The following SYNPR variants were observed in gnomAD, a reference collection of about 807,000 sequenced individuals.
The protein encoded by SYNPR is synaptoporin.
In SYNPR, 23 loss-of-function variants were observed where a neutral mutation model predicts 32.9. That is an observed-to-expected ratio of 0.70 (90% CI 0.50 to 0.99). The LOEUF (loss-of-function observed/expected upper bound fraction) is 0.99. Among genes scored for constraint, SYNPR ranks in the 50% least tolerant of loss-of-function variants. The pLI, the probability that SYNPR is intolerant of heterozygous loss-of-function variation, is 0.00. For missense variants in SYNPR, 318 were observed against 349.3 expected (o/e 0.91, Z 0.71); for synonymous variants, 146 against 135.9 (o/e 1.07, Z -0.52).
chr3:63,575,041 C>A (rs1001580008), intron 4 of SYNPR, among the ~76,000 whole-genome samples: 2 of 151,890 alleles, frequency 1.3e-5, no homozygotes, highest in Admixed American at 1.3e-4. Flanking sequence ...CACATAAGGG[C>A]ACACACACAG....
intron 4 of SYNPR, among the ~76,000 whole-genome samples, chr3:63,573,352 A>C (rs4635701): frequency 0.26 from 39,032 of 151,996 alleles, 5,350 homozygotes; most frequent in South Asian, 0.44. Context: ...ATGGGAGCCA[A>C]CCTCAGAACA....
At chr3:63,368,932 G>C (rs2087763166) in intron 2 of SYNPR, among the ~76,000 whole-genome samples, 1 of 152,186 alleles carries the variant, frequency 6.6e-6, no homozygotes, top group Non-Finnish European at 1.5e-5. Context: ...TGAAGATGCT[G>C]TTGTTGTCAA....
intron 2 of SYNPR, among the ~76,000 whole-genome samples, chr3:63,456,074 G>C (rs137934144): frequency 6.6e-6 from 1 of 152,000 alleles, no homozygotes; most frequent in Non-Finnish European, 1.5e-5. Flanking sequence ...GAGAGAGCTC[G>C]TGCAGGGGAA....
chr3:63,286,634 C>A (rs1289735778), intron 2 of SYNPR, among the ~76,000 whole-genome samples: 1 of 152,212 alleles, frequency 6.6e-6, no homozygotes, highest in African/African-American at 2.4e-5. Context: ...AGTAGAAAAT[C>A]TCTAAGGAGT....
chr3:63,595,743 A>C lies in SYNPR; in HGVS notation c.409-13382A>C, dbSNP rs1267848601. Among the ~76,000 whole-genome samples the C allele has an allele frequency of 3.0e-4, 14 of 47,184 alleles. 1 individual carries two copies. In the South Asian group the frequency reaches 3.5e-3, roughly 12 times the overall value. The allele number at this position is 47,184 out of a possible 152,430, so 31.0% of individuals were successfully genotyped here. A position where few individuals can be genotyped will look rare whatever the true frequency, so the allele number is the denominator to read the frequency against. ...TATATATATATATATATATATATATATATATATATATATATATATATATAT... is the reference window on the plus strand; with the variant it reads ...TATATATATATATATATATATATATCTATATATATATATATATATATATAT... On this transcript the variant is annotated intron_variant, in intron 4 of 5. Coordinates refer to ENST00000478300, the MANE Select transcript of SYNPR (RefSeq NM_001130003.2).
intron 4 of SYNPR, among the ~76,000 whole-genome samples, chr3:63,592,625 AT>A (rs1025669552): frequency 2.0e-5 from 3 of 152,112 alleles, no homozygotes; most frequent in African/African-American, 7.2e-5. Context: ...AATTATTAGG[AT>A]GTTTAAGGAA....
At chr3:63,426,679 A>G (rs1699897692) in intron 2 of SYNPR, 1 of 152,126 alleles carries the variant, frequency 6.6e-6, no homozygotes, top group Non-Finnish European at 1.5e-5. Flanking sequence ...AAGTAACTAG[A>G]GGTCACCTCC....
At chr3:63,595,853 A>G (rs1427555587) in intron 4 of SYNPR, among the ~76,000 whole-genome samples, 1 of 83,316 alleles carries the variant, frequency 1.2e-5, no homozygotes, top group African/African-American at 4.5e-5. Flanking sequence ...AGTTTTATAT[A>G]TATATAGTTA....
intron 4 of SYNPR, among the ~76,000 whole-genome samples, chr3:63,559,540 T>A (rs1305196922): frequency 6.6e-6 from 1 of 152,170 alleles, no homozygotes; most frequent in Non-Finnish European, 1.5e-5. Context: ...ATTATAGAGA[T>A]CTGAACCTTA....
At chr3:63,383,744 T>C (rs1050663531) in intron 2 of SYNPR, among the ~76,000 whole-genome samples, 17 of 152,174 alleles carry the variant, frequency 1.1e-4, no homozygotes, top group African/African-American at 3.4e-4. Context: ...CTCCTCTCTA[T>C]GATGACACCA....
chr3:63,501,968 A>G (rs945114254), intron 3 of SYNPR, among the ~76,000 whole-genome samples: 2 of 152,148 alleles, frequency 1.3e-5, no homozygotes, highest in Non-Finnish European at 2.9e-5. Flanking sequence ...CTGTAAGTGT[A>G]AAATACACAT....
chr3:63,255,821 C>CA (rs1183702665), intron 2 of SYNPR, among the ~76,000 whole-genome samples: 2 of 151,912 alleles, frequency 1.3e-5, no homozygotes, highest in East Asian at 1.9e-4. Flanking sequence ...CTTTCCTAGT[C>CA]AAAAAAAGGG....
chr3:63,228,324 C>T (rs948021800), exon 1 of SYNPR: 1 of 152,186 alleles, frequency 6.6e-6, no homozygotes, highest in African/African-American at 2.4e-5. Flanking sequence ...TAAACAGATT[C>T]AGTGGCCTTG....
At chr3:63,465,755 G>A (rs1221391594) in intron 2 of SYNPR, among the ~76,000 whole-genome samples, 3 of 151,858 alleles carry the variant, frequency 2.0e-5, no homozygotes, top group Non-Finnish European at 2.9e-5. Context: ...AATATATCAC[G>A]TACAAAAATT....
At chr3:63,614,070 T>C (rs1700243164) in intron 5 of SYNPR, among the ~76,000 whole-genome samples, 1 of 152,076 alleles carries the variant, frequency 6.6e-6, no homozygotes, top group Admixed American at 6.5e-5. Context: ...ATCATCTCAC[T>C]GTCCAGAAAC....
the SYNPR span, among the ~76,000 whole-genome samples, chr3:63,206,884 T>A: frequency 6.6e-6 from 1 of 152,092 alleles, no homozygotes; most frequent in Non-Finnish European, 1.5e-5. Context: ...GAAATTAGGG[T>A]TATGAGAATC....
chr3:63,439,632 A>G lies in SYNPR; in HGVS notation c.85-41200A>G, dbSNP rs1214208339. Among the ~76,000 whole-genome samples the G allele has an allele frequency of 2.0e-5, 3 of 152,240 alleles. No individual in the cohort carries two copies. In the East Asian group the frequency reaches 5.8e-4, roughly 29 times the overall value. On this transcript the variant is annotated intron_variant, in intron 2 of 5. Transcript: ENST00000478300. ...TTCTAAAAAAGCAACTGATCAATAT[A>G]GTTTACAAAAGGAGCTTTCCACCAT...
At chr3:63,387,862 C>T (rs1383399479) in intron 2 of SYNPR, among the ~76,000 whole-genome samples, 2 of 152,160 alleles carry the variant, frequency 1.3e-5, no homozygotes, top group African/African-American at 4.8e-5. Flanking sequence ...CTATGTGGCA[C>T]AGGTTGGGTT....
chr3:63,556,681 C>T lies in SYNPR; in HGVS notation c.348C>T (p.Ala116=). The T allele has an allele frequency of 6.2e-7, 1 of 1,613,816 alleles. No homozygotes were observed. Among genetic ancestry groups the T allele is most frequent in the Non-Finnish European group, 8.5e-7 (1 of 1,179,812 alleles). ...TCGCCTTCCTCTACTCTTTGGCTGC[C>T]ACTGTCGTTTACATTTTCTTCCAGA... The part of the protein sequence containing the change: ...AVFAFLYSLA[A]TVVYIFFQNK... The change falls in exon 4 of 6, where the codon GCC becomes GCT. Residue 116 remains alanine (A), a synonymous_variant. Transcript: ENST00000478300.
Sources: allele counts gnomAD v4.1 joint callset (sites outside exome capture counted in the v4.1 genomes callset), GRCh38; gene constraint gnomAD v4.1.1; transcripts MANE v1.5; gene names NCBI Gene and HGNC (gene_info 2026-07-23, HGNC 2026-07-21).